The following OSBPL10 variants were observed in gnomAD, a reference collection of about 807,000 sequenced individuals.
OSBPL10 encodes oxysterol binding protein like 10, also known as oxysterol-binding protein-related protein 10.
A neutral mutation model predicts 81.7 loss-of-function variants in OSBPL10; 49 were observed. The ratio of observed to expected loss-of-function variants is 0.60; its 90% CI spans 0.48 to 0.76. The LOEUF (loss-of-function observed/expected upper bound fraction) is 0.76, where lower values mean the gene tolerates loss of function less well. Ranked by LOEUF, OSBPL10 falls within the 30% of genes least tolerant of loss-of-function variation. The probability of loss-of-function intolerance (pLI) is 0.00; values close to 1 mark genes in which losing one functional copy is unlikely to be tolerated. For synonymous variants in OSBPL10, 419 were observed against 383.6 expected, an observed-to-expected ratio of 1.09 and a Z score of -1.08; for missense variants, 923 against 987.8, an observed-to-expected ratio of 0.93 and a Z score of 0.88.
At chr3:32,011,134 G>C (rs1372256929) in intron 2 of OSBPL10, among the ~76,000 whole-genome samples, 1 of 152,228 alleles carries the variant, frequency 6.6e-6, no homozygotes, top group African/African-American at 2.4e-5. Flanking sequence ...AGAACAGGCA[G>C]ACTGCCTCCT....
At chr3:31,817,070 C>T (rs1699855184) in intron 4 of OSBPL10, among the ~76,000 whole-genome samples, 2 of 152,302 alleles carry the variant, frequency 1.3e-5, no homozygotes, top group South Asian at 4.1e-4. Flanking sequence ...GAGCCCAGGG[C>T]TTTTATGGAC....
At chr3:31,686,726 A>C (rs766702808) in intron 7 of OSBPL10, among the ~76,000 whole-genome samples, 1 of 152,228 alleles carries the variant, frequency 6.6e-6, no homozygotes. Flanking sequence ...TATCTGGCCA[A>C]GAAAAGCATT....
At chr3:31,792,906 GTGTTGTA>G (rs1699068125) in intron 4 of OSBPL10, among the ~76,000 whole-genome samples, 2 of 141,278 alleles carry the variant, frequency 1.4e-5, no homozygotes, top group African/African-American at 5.3e-5. Context: ...GTGTGTGTGT[GTGTTGTA>G]GATGCTCAGC....
At position 31,849,900 on chromosome 3, in the gene OSBPL10, C is replaced by G. The variant is rs543893188; in HGVS notation, c.538-19669G>C. On this transcript the variant is annotated intron_variant, in intron 3 of 11. Coordinates refer to ENST00000396556, the MANE Select transcript of OSBPL10 (RefSeq NM_017784.5). Reference sequence around the variant, plus strand: ...AAAAATTTAGCCAGGCATGCCGGCTCACACCTGTAATCCCAGCACTTTGGG... The same window carrying G: ...AAAAATTTAGCCAGGCATGCCGGCTGACACCTGTAATCCCAGCACTTTGGG... Among the ~76,000 whole-genome samples the G allele has an allele frequency of 2.6e-5, 4 of 152,252 alleles. No homozygotes were observed. In the South Asian group the frequency reaches 8.3e-4, roughly 32 times the overall value.
chr3:31,938,900 G>C lies in OSBPL10; in HGVS notation c.281+41999C>G, dbSNP rs186880376. Among the ~76,000 whole-genome samples the C allele has an allele frequency of 1.9e-3, 286 of 152,162 alleles. 2 individuals carry two copies. The highest frequency in any genetic ancestry group is 0.018 in the Admixed American group (282 of 15,288). ...ATAACCTCACCTCCTACTTTACAGAGAGTAAAGCAAGAACGCCTTCAACTT... is the reference window on the plus strand; with the variant it reads ...ATAACCTCACCTCCTACTTTACAGACAGTAAAGCAAGAACGCCTTCAACTT... On this transcript the variant is annotated intron_variant, in intron 1 of 11. Transcript: ENST00000396556.
intron 4 of OSBPL10, among the ~76,000 whole-genome samples, chr3:31,812,719 AAAGAAAGAAAGAAAGAAAGAAAG>A (rs1699715728): frequency 1.1e-4 from 2 of 18,926 alleles, no homozygotes; most frequent in African/African-American, 2.3e-4. Context: ...AGGCAAAAAA[AAAGAAAGAAAGAAAGAAAGAAAG>A]AAAGAAAGAA....
chr3:31,717,716 T>C (rs17028087), intron 6 of OSBPL10, among the ~76,000 whole-genome samples: 2,266 of 152,370 alleles, frequency 0.015, 36 homozygotes, highest in South Asian at 0.035. Flanking sequence ...GGTTTCCCTG[T>C]ACTTTTACTC....
chr3:31,692,370 T>C (rs1353164353), intron 7 of OSBPL10, among the ~76,000 whole-genome samples: 2 of 152,158 alleles, frequency 1.3e-5, no homozygotes, highest in Non-Finnish European at 2.9e-5. Flanking sequence ...GAAACGCTCA[T>C]TCTTTGCTGG....
At chr3:31,800,570 A>G (rs982151184) in intron 4 of OSBPL10, among the ~76,000 whole-genome samples, 13 of 152,200 alleles carry the variant, frequency 8.5e-5, no homozygotes, top group Non-Finnish European at 1.6e-4. Flanking sequence ...CATTATCAAA[A>G]CCACACTCTC....
chr3:31,876,663 A>C, intron 2 of OSBPL10, 151 bp from the exon 3 acceptor site: 1 of 641,304 alleles, frequency 1.6e-6, no homozygotes, highest in Non-Finnish European at 2.8e-6. Context: ...CAACGTTCTC[A>C]AGCGGCCTGT....
chr3:31,691,598 G>A (rs1341972359), intron 7 of OSBPL10, among the ~76,000 whole-genome samples: 1 of 152,118 alleles, frequency 6.6e-6, no homozygotes, highest in African/African-American at 2.4e-5. Context: ...GTGCAAGCCT[G>A]TAGTCTTACT....
chr3:31,750,919 G>C (rs1182949184), intron 4 of OSBPL10, among the ~76,000 whole-genome samples: 5 of 151,984 alleles, frequency 3.3e-5, no homozygotes, highest in Non-Finnish European at 5.9e-5. Context: ...GAAAATCTTA[G>C]ATAATAAAAA....
At chr3:31,765,455 C>A (rs1698166999) in intron 4 of OSBPL10, among the ~76,000 whole-genome samples, 1 of 151,858 alleles carries the variant, frequency 6.6e-6, no homozygotes, top group South Asian at 2.1e-4. Context: ...ATGTGGCAAA[C>A]TGTGGGCAAA....
At chr3:32,076,201 C>G (rs1699874803) in intron 1 of OSBPL10, among the ~76,000 whole-genome samples, 1 of 152,106 alleles carries the variant, frequency 6.6e-6, no homozygotes, top group African/African-American at 2.4e-5. Flanking sequence ...AACCCCGTCT[C>G]TACTAAAAAT....
chr3:31,859,342 C>T (rs116240769), intron 3 of OSBPL10, among the ~76,000 whole-genome samples: 211 of 152,330 alleles, frequency 1.4e-3, no homozygotes, highest in African/African-American at 4.5e-3. Context: ...GGAGGGTGAC[C>T]GCCCAGGGAG....
intron 4 of OSBPL10, among the ~76,000 whole-genome samples, chr3:31,809,547 G>A (rs1026815673): frequency 6.6e-6 from 1 of 152,184 alleles, no homozygotes; most frequent in Non-Finnish European, 1.5e-5. Flanking sequence ...TAGGGTGGTG[G>A]TGGACACGGA....
At chr3:31,831,551 TA>T (rs1264407210) in intron 3 of OSBPL10, among the ~76,000 whole-genome samples, 1 of 151,718 alleles carries the variant, frequency 6.6e-6, no homozygotes, top group Non-Finnish European at 1.5e-5. Flanking sequence ...AGGAAAAATG[TA>T]GAGCTGGAAA....
At chr3:32,054,309 T>C (rs912263690) in intron 1 of OSBPL10, among the ~76,000 whole-genome samples, 1 of 152,172 alleles carries the variant, frequency 6.6e-6, no homozygotes, top group Non-Finnish European at 1.5e-5. Flanking sequence ...CATATTTGGC[T>C]TATTTGGTAT....
chr3:32,008,362 A>T (rs973444112), intron 2 of OSBPL10, among the ~76,000 whole-genome samples: 6 of 151,680 alleles, frequency 4.0e-5, no homozygotes, highest in African/African-American at 1.5e-4. Context: ...CATGTTGGCC[A>T]GGCTGGTCTC....
Sources: gnomAD v4.1 joint callset for allele counts (sites outside exome capture counted in the v4.1 genomes callset) on GRCh38, gnomAD v4.1.1 for gene constraint, MANE v1.5 for transcripts, NCBI Gene and HGNC (gene_info 2026-07-23, HGNC 2026-07-21) for gene names.